CELF2: variants seen among roughly 807,000 people sequenced by gnomAD.
CELF2 encodes CUG triplet repeat RNA-binding protein 2.
CELF2 carries 8 observed loss-of-function variants against 62.6 expected under a neutral mutation model. The ratio of observed to expected loss-of-function variants is 0.13; its 90% confidence interval spans 0.07 to 0.23. The LOEUF (loss-of-function observed/expected upper bound fraction) is 0.23. CELF2 is among the 10% of genes least tolerant of loss of function. The pLI, the probability that CELF2 is intolerant of heterozygous loss-of-function variation, is 1.00. For synonymous variants in CELF2, 258 were observed against 250.0 expected (o/e 1.03, Z -0.30); for missense variants, 333 against 671.0 (o/e 0.50, Z 5.56).
chr10:10,850,561 C>T (rs1002921991), intron 1 of CELF2, among the ~76,000 whole-genome samples: 2 of 152,076 alleles, frequency 1.3e-5, no homozygotes, highest in Non-Finnish European at 2.9e-5. Context: ...TCTCATAATA[C>T]GAGAAATTAT....
chr10:11,308,422 G>C (rs2094383619), intron 9 of CELF2, among the ~76,000 whole-genome samples: 2 of 152,136 alleles, frequency 1.3e-5, no homozygotes, highest in African/African-American at 2.4e-5. Flanking sequence ...ATTTCTGTGA[G>C]GCTCTGTTCA....
In CELF2 at chr10:11,237,334, C is replaced by T. The variant is rs1229229505; in HGVS notation, c.355-11819C>T. ...GCCCCCATCCCGGGGTTGATGTCCC[C>T]ATAAGCCGTGGTCTCTGTCCAGCTT... On this transcript the variant is annotated intron_variant, in intron 3 of 12. Transcript: ENST00000633077. The surrounding 1 kb of genome is among the most constrained non-coding windows in gnomAD (Gnocchi z 4.0). 6.6e-6 allele frequency among the ~76,000 whole-genome samples: 1 copy of T among 152,166 alleles called. No homozygotes were observed. Among genetic ancestry groups the T allele is most frequent in the Non-Finnish European group, 1.5e-5 (1 of 68,024 alleles).
At chr10:10,785,308 T>C in the CELF2 span, among the ~76,000 whole-genome samples, 1 of 152,154 alleles carries the variant, frequency 6.6e-6, no homozygotes, top group East Asian at 1.9e-4. Context: ...GCCATGGACA[T>C]TGGGATTTTA....
chr10:10,573,963 T>C, the CELF2 span, among the ~76,000 whole-genome samples: 1 of 152,152 alleles, frequency 6.6e-6, no homozygotes, highest in Admixed American at 6.6e-5. Context: ...AGAAGTATTC[T>C]TCTGGTTTAA....
the CELF2 span, among the ~76,000 whole-genome samples, chr10:10,566,834 T>G: frequency 1.8e-4 from 27 of 152,126 alleles, no homozygotes; most frequent in African/African-American, 6.3e-4. Context: ...CTAGAGATTG[T>G]TTTGGCTTCT....
In CELF2 at chr10:11,165,451, G is replaced by T. The variant is rs1430541294; in HGVS notation, c.75-35G>T. On this transcript the variant is annotated intron_variant, in intron 1 of 12. Coordinates refer to ENST00000633077, the MANE Select transcript of CELF2 (RefSeq NM_001326342.2). This position sits in a 1 kb window ranked among gnomAD's most constrained non-coding sequence, Gnocchi z 7.4. The stretch of plus-strand genomic sequence containing the variant: ...TTTTCTTCCTGTCCCTCATCGTGCC[G>T]CCCTAACTCTGGCTCCCGGTTCCGT... The T allele has an allele frequency of 8.2e-6, 13 of 1,582,740 alleles. No individual in the cohort carries two copies. The highest frequency in any genetic ancestry group is 2.3e-5 in the East Asian group (1 of 43,162).
upstream of CELF2, among the ~76,000 whole-genome samples, chr10:11,013,884 T>A (rs1251002380): frequency 6.6e-6 from 1 of 152,224 alleles, no homozygotes; most frequent in Non-Finnish European, 1.5e-5. The surrounding 1 kb of genome is among the most constrained non-coding windows in gnomAD (Gnocchi z 4.1). Context: ...TGTTTGGGGT[T>A]TTTTGTTAAC....
rs1366557188 is a variant in CELF2, at chr10:11,075,887, T to A, written c.74+57724T>A. Among the ~76,000 whole-genome samples the A allele has an allele frequency of 2.0e-5, 3 of 152,162 alleles. No individual in the cohort carries two copies. The highest frequency in any genetic ancestry group is 2.9e-5 in the Non-Finnish European group (2 of 68,018). On this transcript the variant is annotated intron_variant, in intron 1 of 12. Transcript: ENST00000633077. The surrounding 1 kb of genome is among the most constrained non-coding windows in gnomAD (Gnocchi z 5.4). ...CAATTAATTAAAATGTTTAATAAAC[T>A]GCCAACATCAGTATCTCAGAATGAG...
chr10:10,524,329 G>A, the CELF2 span, among the ~76,000 whole-genome samples: 2 of 151,522 alleles, frequency 1.3e-5, no homozygotes, highest in Non-Finnish European at 2.9e-5. Flanking sequence ...CATGTGCACA[G>A]ATCTCTTCCT....
chr10:10,614,332 C>G, the CELF2 span, among the ~76,000 whole-genome samples: 1 of 152,092 alleles, frequency 6.6e-6, no homozygotes, highest in Non-Finnish European at 1.5e-5. Flanking sequence ...GTCTCCTTCT[C>G]TCCACTCCTA....
intron 1 of CELF2, among the ~76,000 whole-genome samples, chr10:11,006,010 A>G (rs1267458073): frequency 6.6e-6 from 1 of 152,090 alleles, no homozygotes; most frequent in Non-Finnish European, 1.5e-5. Context: ...TTGAAAGCAA[A>G]TATTTGTTTC....
At chr10:10,776,817 G>A in the CELF2 span, among the ~76,000 whole-genome samples, 121 of 152,326 alleles carry the variant, frequency 7.9e-4, no homozygotes, top group African/African-American at 2.6e-3. Flanking sequence ...TCTGAAGACA[G>A]CTTCTTTAGG....
Position 11,244,093 on chromosome 10 carries a change from C to T in CELF2, c.355-5060C>T, listed in dbSNP as rs2074869221. Among the ~76,000 whole-genome samples, 1 of 152,224 alleles carries T rather than the reference C, an allele frequency of 6.6e-6. No homozygotes were observed. On this transcript the variant is annotated intron_variant, in intron 3 of 12. Coordinates refer to ENST00000633077, the MANE Select transcript of CELF2 (RefSeq NM_001326342.2). The surrounding 1 kb of genome is among the most constrained non-coding windows in gnomAD (Gnocchi z 4.2). ...TGCCTCCAGCCCCATCTAGCTCTGGCAGCAGGGAGGGCCAGGGTCCCTAGT... is the reference window on the plus strand; with the variant it reads ...TGCCTCCAGCCCCATCTAGCTCTGGTAGCAGGGAGGGCCAGGGTCCCTAGT...
chr10:11,280,945 G>A lies in CELF2; in HGVS notation c.841+5825G>A, dbSNP rs539674033. Among the ~76,000 whole-genome samples, 62 of 152,044 alleles carry A rather than the reference G, an allele frequency of 4.1e-4. No individual in the cohort carries two copies. Among genetic ancestry groups the A allele is most frequent in the Non-Finnish European group, 7.4e-4 (50 of 67,984 alleles). On this transcript the variant is annotated intron_variant, in intron 8 of 12. Transcript: ENST00000633077. The surrounding 1 kb of genome is among the most constrained non-coding windows in gnomAD (Gnocchi z 7.6). ...GCTAAGAATGGAGGAGCTCGGGCTC[G>A]CCTGGCTGCTTCTGATGCTGGCGTG...
the CELF2 span, among the ~76,000 whole-genome samples, chr10:10,734,843 T>A: frequency 1.3e-5 from 2 of 152,200 alleles, no homozygotes; most frequent in African/African-American, 4.8e-5. Flanking sequence ...GGCATCCTGA[T>A]AAACCTCTAA....
chr10:10,916,921 CCTT>C (rs762010086), intron 1 of CELF2, among the ~76,000 whole-genome samples: 8 of 151,536 alleles, frequency 5.3e-5, no homozygotes, highest in South Asian at 2.1e-4. Context: ...CCTGGAATTT[CCTT>C]CTTCTTCTTC....
the CELF2 span, among the ~76,000 whole-genome samples, chr10:10,602,157 G>T: frequency 6.6e-6 from 1 of 152,116 alleles, no homozygotes; most frequent in Non-Finnish European, 1.5e-5. Context: ...CATTTGGGTT[G>T]ATTCCATGTC....
intron 1 of CELF2, among the ~76,000 whole-genome samples, chr10:10,877,583 G>GT (rs1354132659): frequency 6.6e-6 from 1 of 152,250 alleles, no homozygotes; most frequent in Non-Finnish European, 1.5e-5. Context: ...GCCCTGAGCA[G>GT]TTCCCCACTT....
In CELF2 at chr10:11,110,531, T is replaced by A. The variant is rs556353384; in HGVS notation, c.75-54955T>A. ...TAGATTGATGAAATACACTAATGCA[T>A]GGAGTAGAAACAGAGGGGCTTTAAT... On this transcript the variant is annotated intron_variant, in intron 1 of 12. Coordinates refer to ENST00000633077, the MANE Select transcript of CELF2 (RefSeq NM_001326342.2). The surrounding 1 kb of genome is among the most constrained non-coding windows in gnomAD (Gnocchi z 4.0). Among the ~76,000 whole-genome samples the A allele has an allele frequency of 6.6e-6, 1 of 152,226 alleles. No individual in the cohort carries two copies. The highest frequency in any genetic ancestry group is 2.4e-5 in the African/African-American group (1 of 41,522).
Sources: allele counts gnomAD v4.1 joint callset (sites outside exome capture counted in the v4.1 genomes callset), GRCh38; gene constraint gnomAD v4.1.1; non-coding constraint Gnocchi (gnomAD v3.1); transcripts MANE v1.5; gene names NCBI Gene and HGNC (gene_info 2026-07-23, HGNC 2026-07-21).